The following MAGI2 variants were observed in gnomAD, a reference collection of about 807,000 sequenced individuals.
MAGI2 encodes membrane associated guanylate kinase, WW and PDZ domain containing 2, also known as membrane-associated guanylate kinase, WW and PDZ domain-containing protein 2.
In MAGI2, 35 loss-of-function variants were observed where a neutral mutation model predicts 133.3. The ratio of observed to expected loss-of-function variants is 0.26; its 90% CI spans 0.20 to 0.35. MAGI2 has a LOEUF of 0.35. MAGI2 is among the 10% of genes least tolerant of loss of function. MAGI2 has a pLI of 1.00. For missense variants in MAGI2, 1,636 were observed against 1,863.4 expected (o/e 0.88, Z 2.25); for synonymous variants, 729 against 710.6 (o/e 1.03, Z -0.41).
chr7:78,781,295 C>T (rs1479596753), intron 2 of MAGI2, among the ~76,000 whole-genome samples: 1 of 147,542 alleles, frequency 6.8e-6, no homozygotes, highest in Admixed American at 7.0e-5. Context: ...AGGAGAATGG[C>T]ATGAACCCAG....
intron 6 of MAGI2, among the ~76,000 whole-genome samples, chr7:78,467,240 AACTT>A (rs896536397): frequency 6.6e-6 from 1 of 152,132 alleles, no homozygotes; most frequent in African/African-American, 2.4e-5. Flanking sequence ...TCTATTAACT[AACTT>A]AATCCTCAAA....
chr7:78,870,581 C>T (rs522882), intron 2 of MAGI2, among the ~76,000 whole-genome samples: 81,814 of 151,886 alleles, frequency 0.54, 23,967 homozygotes, highest in Middle Eastern at 0.7. Flanking sequence ...GAAAATGGAA[C>T]ACTTTTACAT....
intron 6 of MAGI2, among the ~76,000 whole-genome samples, chr7:78,424,786 T>C (rs6975990): frequency 0.12 from 18,738 of 152,178 alleles, 1,265 homozygotes; most frequent in Middle Eastern, 0.16. Flanking sequence ...GTAGCCCCTT[T>C]GTTTTGTCCA....
intron 3 of MAGI2, among the ~76,000 whole-genome samples, chr7:78,527,231 TACCCATTTTTAGGCAG>T (rs1797056567): frequency 6.6e-6 from 1 of 152,106 alleles, no homozygotes; most frequent in African/African-American, 2.4e-5. Context: ...CCTAATCCCT[TACCCATTTTTAGGCAG>T]ACCTGTCCCT....
At chr7:79,363,557 CAA>C (rs1196155242) in intron 1 of MAGI2, among the ~76,000 whole-genome samples, 2 of 151,050 alleles carry the variant, frequency 1.3e-5, no homozygotes, top group Non-Finnish European at 3.0e-5. Context: ...AAAATCAACT[CAA>C]AATGCATTAA....
intron 2 of MAGI2, among the ~76,000 whole-genome samples, chr7:78,653,851 T>C (rs551397438): frequency 7.4e-4 from 113 of 152,008 alleles, no homozygotes; most frequent in African/African-American, 2.6e-3. Context: ...CACTTGTCCA[T>C]CCTCATTAGA....
intron 3 of MAGI2, among the ~76,000 whole-genome samples, chr7:78,558,657 C>A (rs1800069444): frequency 6.6e-6 from 1 of 151,988 alleles, no homozygotes; most frequent in Admixed American, 6.6e-5. Flanking sequence ...TCTTCACTGC[C>A]TTTTTGGGTC....
intron 2 of MAGI2, among the ~76,000 whole-genome samples, chr7:78,779,591 G>A (rs1826244150): frequency 6.6e-6 from 1 of 152,208 alleles, no homozygotes; most frequent in Non-Finnish European, 1.5e-5. Context: ...TAGGATTAAG[G>A]AGACTTACCC....
chr7:78,404,072 C>G, intron 6 of MAGI2, among the ~76,000 whole-genome samples: 1 of 152,058 alleles, frequency 6.6e-6, no homozygotes, highest in Admixed American at 6.6e-5. Flanking sequence ...ACAATTGCTT[C>G]AAAGAGAATA....
At chr7:79,062,825 C>T (rs1813890895) in intron 1 of MAGI2, among the ~76,000 whole-genome samples, 1 of 152,038 alleles carries the variant, frequency 6.6e-6, no homozygotes, top group South Asian at 2.1e-4. Context: ...AATGAGGAAA[C>T]AGCTATTCTG....
At chr7:78,864,313 T>C (rs1794380886) in intron 2 of MAGI2, among the ~76,000 whole-genome samples, 1 of 152,206 alleles carries the variant, frequency 6.6e-6, no homozygotes, top group Admixed American at 6.5e-5. Flanking sequence ...CCTCCTACTT[T>C]CACTTACACG....
chr7:78,503,802 G>A (rs1189965364), intron 4 of MAGI2, among the ~76,000 whole-genome samples: 1 of 150,872 alleles, frequency 6.6e-6, no homozygotes. Context: ...GGGCCGTTAT[G>A]ATTGACCTCA....
chr7:78,591,493 T>C (rs1803997778), intron 3 of MAGI2, among the ~76,000 whole-genome samples: 2 of 152,218 alleles, frequency 1.3e-5, no homozygotes, highest in South Asian at 4.1e-4. Flanking sequence ...GGCTTGGGAC[T>C]CAGAGACACT....
chr7:79,124,943 GC>G, intron 1 of MAGI2: 1 of 292,020 alleles, frequency 3.4e-6, no homozygotes, highest in African/African-American at 2.2e-5. Context: ...GGTGGATGCA[GC>G]CCTGAATTAA....
intron 6 of MAGI2, among the ~76,000 whole-genome samples, chr7:78,394,949 A>G (rs1297113728): frequency 6.6e-6 from 1 of 152,224 alleles, no homozygotes; most frequent in Non-Finnish European, 1.5e-5. Flanking sequence ...ACAAAGTGAG[A>G]GAAGGTCTAA....
At chr7:78,407,077 A>C (rs1467121691) in intron 6 of MAGI2, among the ~76,000 whole-genome samples, 1 of 152,106 alleles carries the variant, frequency 6.6e-6, no homozygotes, top group East Asian at 1.9e-4. Flanking sequence ...TTTTACAAAC[A>C]CACTTTCAGA....
chr7:78,860,220 G>T (rs916019968), intron 2 of MAGI2, among the ~76,000 whole-genome samples: 3 of 152,112 alleles, frequency 2.0e-5, no homozygotes, highest in Non-Finnish European at 4.4e-5. Context: ...TGTTATTACC[G>T]ATCATCTGAA....
chr7:78,759,972 G>A (rs113610675), intron 2 of MAGI2, among the ~76,000 whole-genome samples: 79 of 152,180 alleles, frequency 5.2e-4, no homozygotes, highest in African/African-American at 1.5e-3. Context: ...AAAATTAGCC[G>A]AGCGTGGTGG....
chr7:79,170,735 T>C (rs1450145202), intron 1 of MAGI2, among the ~76,000 whole-genome samples: 2 of 152,042 alleles, frequency 1.3e-5, no homozygotes, highest in Non-Finnish European at 2.9e-5. Flanking sequence ...ATTCTTAAAA[T>C]TGTACCACTT....
Sources: gnomAD v4.1 joint callset for allele counts (sites outside exome capture counted in the v4.1 genomes callset) on GRCh38, gnomAD v4.1.1 for gene constraint, MANE v1.5 for transcripts, NCBI Gene and HGNC (gene_info 2026-07-23, HGNC 2026-07-21) for gene names.